The following ZNF385D variants were observed in gnomAD, a reference collection of about 807,000 sequenced individuals.
ZNF385D encodes zinc finger protein 659.
In ZNF385D, 15 loss-of-function variants were observed where a neutral mutation model predicts 35.8. The observed-to-expected ratio is 0.42, with a 90% CI of 0.28 to 0.64. The LOEUF (loss-of-function observed/expected upper bound fraction) is 0.64, where lower values mean the gene tolerates loss of function less well. Among genes scored for constraint, ZNF385D ranks in the 30% least tolerant of loss-of-function variants. ZNF385D has a pLI of 0.23. For synonymous variants in ZNF385D, 212 were observed against 186.8 expected, an observed-to-expected ratio of 1.13 and a Z score of -1.10; for missense variants, 474 against 494.6, an observed-to-expected ratio of 0.96 and a Z score of 0.39.
At chr3:21,550,576 A>G (rs1031351116) in intron 3 of ZNF385D, among the ~76,000 whole-genome samples, 2 of 152,154 alleles carry the variant, frequency 1.3e-5, no homozygotes, top group African/African-American at 4.8e-5. Context: ...TCCGCCTGCC[A>G]GGTTCAAGTG....
intron 2 of ZNF385D, among the ~76,000 whole-genome samples, chr3:21,654,588 G>C (rs2066017312): frequency 6.6e-6 from 1 of 151,972 alleles, no homozygotes; most frequent in Non-Finnish European, 1.5e-5. Context: ...AAACAGAGCA[G>C]TGCTTCTCAA....
At chr3:22,297,229 G>A (rs564784265) in intron 2 of ZNF385D, among the ~76,000 whole-genome samples, 15 of 152,000 alleles carry the variant, frequency 9.9e-5, no homozygotes, top group African/African-American at 2.4e-4. Flanking sequence ...CCCTTTATTC[G>A]CAACCCCAGA....
chr3:21,663,578 T>A (rs1436377544), intron 2 of ZNF385D, among the ~76,000 whole-genome samples: 1 of 151,978 alleles, frequency 6.6e-6, no homozygotes, highest in Admixed American at 6.6e-5. Context: ...CATTTAGGAA[T>A]AAGGGAATTT....
At chr3:22,027,625 G>T (rs1003282541) in intron 3 of ZNF385D, among the ~76,000 whole-genome samples, 2 of 152,170 alleles carry the variant, frequency 1.3e-5, no homozygotes, top group African/African-American at 4.8e-5. Context: ...CACCTGAACT[G>T]CCTATCATGA....
intron 2 of ZNF385D, among the ~76,000 whole-genome samples, chr3:22,318,865 G>A (rs1704044203): frequency 6.6e-6 from 1 of 152,094 alleles, no homozygotes; most frequent in Non-Finnish European, 1.5e-5. Flanking sequence ...AAATTTCATT[G>A]GAAATCGGAA....
rs554427474 is a variant in ZNF385D at position 21,676,638 on chromosome 3, T to C, written c.23-11610A>G. Among the ~76,000 whole-genome samples, 81 of 152,068 alleles carry C rather than the reference T, an allele frequency of 5.3e-4. 1 individual carries two copies. Among genetic ancestry groups the C allele is most frequent in the Non-Finnish European group, 1.0e-3 (68 of 67,994 alleles). ...CTTTGCTGGATAACTTTACATACAT[T>C]ATTTGTATAAACAATGAAGATATCC... On this transcript the variant is annotated intron_variant, in intron 1 of 7. Coordinates refer to ENST00000281523, the MANE Select transcript of ZNF385D (RefSeq NM_024697.3).
intron 3 of ZNF385D, among the ~76,000 whole-genome samples, chr3:21,975,671 A>G (rs1387565783): frequency 1.3e-5 from 2 of 149,908 alleles, no homozygotes; most frequent in African/African-American, 4.9e-5. Flanking sequence ...CTATGAACCC[A>G]CAAAAATATA....
At chr3:21,594,560 T>TA (rs1445474826) in intron 2 of ZNF385D, among the ~76,000 whole-genome samples, 1 of 152,128 alleles carries the variant, frequency 6.6e-6, no homozygotes, top group African/African-American at 2.4e-5. Context: ...ACAGATATTG[T>TA]AAACGGGATT....
intron 3 of ZNF385D, among the ~76,000 whole-genome samples, chr3:22,158,575 T>A (rs1432807989): frequency 6.6e-6 from 1 of 151,128 alleles, no homozygotes; most frequent in Non-Finnish European, 1.5e-5. Context: ...GGGCTGCTAT[T>A]TTTGAAAATT....
intron 2 of ZNF385D, among the ~76,000 whole-genome samples, chr3:21,605,936 C>G (rs1428640785): frequency 1.3e-5 from 2 of 152,010 alleles, no homozygotes; most frequent in Non-Finnish European, 2.9e-5. Context: ...ACAGGAAAAC[C>G]ACGTAATGCA....
At position 21,636,694 on chromosome 3, in the gene ZNF385D, C is replaced by G. The variant is rs149409372; in HGVS notation, c.165+28192G>C. Among the ~76,000 whole-genome samples, 709 of 151,788 alleles carry G rather than the reference C, an allele frequency of 4.7e-3. 6 individuals carry two copies. Among genetic ancestry groups the G allele is most frequent in the African/African-American group, 0.015 (614 of 41,372 alleles). Reference sequence around the variant, plus strand: ...TTAAGGGTGGATCTGCCTTTCCCAGCCCACTGACTCAAATGTTAATCTCCT... The same window carrying G: ...TTAAGGGTGGATCTGCCTTTCCCAGGCCACTGACTCAAATGTTAATCTCCT... On this transcript the variant is annotated intron_variant, in intron 2 of 7. Transcript: ENST00000281523.
At chr3:21,977,846 AAAAC>A (rs1470774437) in intron 3 of ZNF385D, among the ~76,000 whole-genome samples, 1 of 152,036 alleles carries the variant, frequency 6.6e-6, no homozygotes, top group East Asian at 1.9e-4. Flanking sequence ...TAAAAAAAGG[AAAAC>A]AAACAAACAA....
intron 3 of ZNF385D, among the ~76,000 whole-genome samples, chr3:21,784,095 A>G (rs1282854894): frequency 6.6e-6 from 1 of 152,176 alleles, no homozygotes; most frequent in Non-Finnish European, 1.5e-5. Context: ...GTCTCCTGTA[A>G]GAAGTTTGTC....
At chr3:21,679,016 C>T (rs9853494) in intron 1 of ZNF385D, among the ~76,000 whole-genome samples, 9,733 of 151,814 alleles carry the variant, frequency 0.064, 371 homozygotes, top group East Asian at 0.13. Flanking sequence ...ACCCCCCAAC[C>T]CCATCCACTT....
intron 2 of ZNF385D, among the ~76,000 whole-genome samples, chr3:21,656,486 G>A (rs1048546861): frequency 6.6e-6 from 1 of 151,842 alleles, no homozygotes; most frequent in Non-Finnish European, 1.5e-5. Context: ...GTCTCTGTGT[G>A]CAAATTTTCC....
chr3:22,049,914 G>A (rs140902774), intron 3 of ZNF385D, among the ~76,000 whole-genome samples: 30 of 152,180 alleles, frequency 2.0e-4, no homozygotes, highest in African/African-American at 7.0e-4. Flanking sequence ...ATTTTGTTGA[G>A]GAATTTTGCA....
chr3:21,606,870 A>G (rs2064499945), intron 2 of ZNF385D, among the ~76,000 whole-genome samples: 1 of 152,148 alleles, frequency 6.6e-6, no homozygotes, highest in African/African-American at 2.4e-5. Context: ...AAGGGTCAAA[A>G]CTATTTTCTT....
intron 3 of ZNF385D, among the ~76,000 whole-genome samples, chr3:21,863,979 C>T (rs1309821561): frequency 6.6e-6 from 1 of 152,122 alleles, no homozygotes; most frequent in East Asian, 1.9e-4. Flanking sequence ...TTCCAACAAG[C>T]TTTCAGATGA....
intron 2 of ZNF385D, among the ~76,000 whole-genome samples, chr3:21,647,096 A>T (rs938819213): frequency 6.6e-6 from 1 of 152,222 alleles, no homozygotes; most frequent in Non-Finnish European, 1.5e-5. Context: ...CAGACAATCC[A>T]AATGTTCAGA....
Sources: gnomAD v4.1 joint callset for allele counts (sites outside exome capture counted in the v4.1 genomes callset) on GRCh38, gnomAD v4.1.1 for gene constraint, MANE v1.5 for transcripts, NCBI Gene and HGNC (gene_info 2026-07-23, HGNC 2026-07-21) for gene names.